Variants in ANKRD31 observed in about 807,000 individuals in gnomAD.
ANKRD31 encodes the protein ankyrin repeat domain-containing protein 31.
A neutral mutation model predicts 186.0 loss-of-function variants in ANKRD31; 147 were observed. That is an observed-to-expected ratio of 0.79 (90% CI 0.69 to 0.91). ANKRD31 has a LOEUF of 0.91. Ranked by LOEUF, ANKRD31 falls within the 40% of genes least tolerant of loss-of-function variation. The pLI is 0.00. For synonymous variants in ANKRD31, 673 were observed against 736.4 expected (o/e 0.91, Z 1.39); for missense variants, 1,986 against 2,148.8 (o/e 0.92, Z 1.50).
intron 24 of ANKRD31, among the ~76,000 whole-genome samples, chr5:75,082,202 T>C (rs888470751): frequency 6.6e-6 from 1 of 152,178 alleles, no homozygotes; most frequent in Non-Finnish European, 1.5e-5. Flanking sequence ...ATGGAGCCAG[T>C]TTTTATGACA....
chr5:75,210,760 T>A, intron 4 of ANKRD31, 68 bp downstream of exon 4: 1 of 1,087,550 alleles, frequency 9.2e-7, no homozygotes, highest in Non-Finnish European at 1.3e-6. Flanking sequence ...AAAATGAATA[T>A]TCATCTTAGA....
Position 75,188,504 on chromosome 5 carries a change from G to A in ANKRD31, c.1553C>T (p.Pro518Leu), listed in dbSNP as rs73763017. The A allele has an allele frequency of 2.1e-4, 327 of 1,535,134 alleles. 1 individual carries two copies. The African/African-American group carries it at 4.0e-3, about 19-fold the overall frequency. Residue 518 changes from proline (P) to leucine (L), a missense_variant, in exon 10 of 26, where the codon CCA becomes CTA. Coordinates refer to ENST00000506364, the MANE Select transcript of ANKRD31 (RefSeq NM_001372053.1). ...TAATCCTAACTTACCAGCATAACTT[G>A]GCTGATTAACATTTCCACCTTTTTT... The part of the protein sequence containing the change: ...CIKKGGNVNQ[P>L]SYAGWTALHE...
At chr5:75,137,640 T>G (rs892997059) in intron 17 of ANKRD31, among the ~76,000 whole-genome samples, 1 of 152,174 alleles carries the variant, frequency 6.6e-6, no homozygotes, top group Admixed American at 6.6e-5. Flanking sequence ...CTTGCATGTA[T>G]TTTGTGATGA....
At chr5:75,187,038 T>C (rs765797757) in intron 10 of ANKRD31, among the ~76,000 whole-genome samples, 11 of 150,214 alleles carry the variant, frequency 7.3e-5, no homozygotes, top group Admixed American at 5.3e-4. Context: ...TGTGTGTGTG[T>C]GTGTGTGTGT....
intron 10 of ANKRD31, among the ~76,000 whole-genome samples, chr5:75,177,068 G>A (rs576643202): frequency 1.7e-4 from 26 of 152,308 alleles, no homozygotes; most frequent in East Asian, 5.8e-4. Flanking sequence ...ACCACGGCAC[G>A]AGAACTACGT....
intron 22 of ANKRD31, among the ~76,000 whole-genome samples, chr5:75,096,194 T>C (rs748806314): frequency 3.9e-5 from 6 of 152,232 alleles, no homozygotes; most frequent in Non-Finnish European, 7.3e-5. Flanking sequence ...TTCTTGACTT[T>C]AATAATCGTC....
intron 22 of ANKRD31, among the ~76,000 whole-genome samples, chr5:75,101,876 C>T (rs1746918718): frequency 6.6e-6 from 1 of 152,166 alleles, no homozygotes; most frequent in Admixed American, 6.5e-5. Flanking sequence ...TTCGAACATC[C>T]TCCTTTAGCT....
intron 14 of ANKRD31, among the ~76,000 whole-genome samples, chr5:75,145,211 C>T (rs1290093544): frequency 2.6e-5 from 4 of 152,070 alleles, no homozygotes; most frequent in Non-Finnish European, 4.4e-5. Flanking sequence ...CCAGAAATAC[C>T]ATTTGACGCA....
At chr5:75,212,320 A>G (rs981084165) in intron 3 of ANKRD31, among the ~76,000 whole-genome samples, 1 of 152,100 alleles carries the variant, frequency 6.6e-6, no homozygotes, top group Non-Finnish European at 1.5e-5. Flanking sequence ...ACAGTGTTAA[A>G]TACTAAACTG....
In ANKRD31 at chr5:75,236,852, G is replaced by GC. The variant is rs1336526236; in HGVS notation, c.-167dup. On this transcript the variant is annotated 5_prime_UTR_variant, in exon 1 of 26. Transcript: ENST00000506364. ...AGGGCTGCTGAGGAGGACGCAGGCG[G>GC]CCGCGAGCGCGGCGGGGTAGCAGTC... The GC allele has an allele frequency of 3.6e-6, 2 of 549,618 alleles. No homozygotes were observed. Among genetic ancestry groups the GC allele is most frequent in the African/African-American group, 4.0e-5 (2 of 49,558 alleles). 34.0% of individuals were successfully genotyped at this position (549,618 alleles called of 1,614,324 possible). A position where few individuals can be genotyped will look rare whatever the true frequency, so the allele number is the denominator to read the frequency against.
intron 10 of ANKRD31, among the ~76,000 whole-genome samples, chr5:75,177,929 G>A (rs966355069): frequency 1.3e-4 from 19 of 151,984 alleles, no homozygotes; most frequent in East Asian, 1.9e-4. Context: ...ATTAAAAGGC[G>A]CAGACTGGCA....
At chr5:75,083,135 A>C (rs1484360362) in intron 24 of ANKRD31, among the ~76,000 whole-genome samples, 1 of 152,196 alleles carries the variant, frequency 6.6e-6, no homozygotes, top group African/African-American at 2.4e-5. Context: ...ATATACACCT[A>C]AACACAAATC....
chr5:75,195,062 C>A (rs76194559), intron 7 of ANKRD31, among the ~76,000 whole-genome samples: 2,366 of 152,212 alleles, frequency 0.016, 74 homozygotes, highest in African/African-American at 0.054. Context: ...ACAGAGCCTC[C>A]AGGCATAATA....
Position 75,208,890 on chromosome 5 carries a change from T to C in ANKRD31, c.326+1938A>G, listed in dbSNP as rs151307638. ...TAAACATCTGGACCTCACTGGGTTA[T>C]TGGGTAACCACACTCCTGTGATTTT... On this transcript the variant is annotated intron_variant, in intron 4 of 25. Coordinates refer to ENST00000506364, the MANE Select transcript of ANKRD31 (RefSeq NM_001372053.1). Among the ~76,000 whole-genome samples the C allele has an allele frequency of 4.6e-3, 706 of 152,362 alleles. 11 individuals carry two copies. Among genetic ancestry groups the C allele is most frequent in the African/African-American group, 0.016 (678 of 41,592 alleles).
Position 75,144,140 on chromosome 5 carries a change from A to G in ANKRD31, c.3456T>C (p.Asp1152=). The change falls in exon 15 of 26, where the codon GAT becomes GAC. Residue 1152 remains aspartate, a synonymous_variant. Transcript: ENST00000506364. Reference sequence around the variant, plus strand: ...CCTCACAATTTCTTATAGTTATTTCATCTCCACTGATGTTATTAGTTAATT... The same window carrying G: ...CCTCACAATTTCTTATAGTTATTTCGTCTCCACTGATGTTATTAGTTAATT... ...DEELTNNISG[D]EITIRNCEEI... 2.5e-6 allele frequency: 1 copy of G among 397,322 alleles called. No individual in the cohort carries two copies. The highest frequency in any genetic ancestry group is 4.4e-6 in the Non-Finnish European group (1 of 225,228). The allele number at this position is 397,322 out of a possible 1,614,324, so 24.6% of individuals were successfully genotyped here.
At chr5:75,234,486 C>G (rs919424293) in intron 1 of ANKRD31, among the ~76,000 whole-genome samples, 1 of 152,248 alleles carries the variant, frequency 6.6e-6, no homozygotes, top group African/African-American at 2.4e-5. Context: ...TATGACTGCA[C>G]TATTGCATTC....
intron 5 of ANKRD31, among the ~76,000 whole-genome samples, chr5:75,201,574 T>C (rs1755824260): frequency 6.6e-6 from 1 of 152,192 alleles, no homozygotes; most frequent in Non-Finnish European, 1.5e-5. Context: ...AAACAACTCT[T>C]ATAGACATTT....
Position 75,195,877 on chromosome 5 carries a change from GTCAC to G in ANKRD31, c.767_770del (p.Ser256ThrfsTer10). On this transcript the variant is annotated frameshift_variant, in exon 7 of 26. Coordinates refer to ENST00000506364, the MANE Select transcript of ANKRD31 (RefSeq NM_001372053.1). LOFTEE classifies it high-confidence loss of function. ...AAGGTATTGATATGGAACTAAGAGA[GTCAC>G]TCAATGGGTTCATCAATTCTTTACG... 6.6e-7 allele frequency: 1 copy of G among 1,506,562 alleles called. No individual in the cohort carries two copies. Among genetic ancestry groups the G allele is most frequent in the East Asian group, 2.5e-5 (1 of 40,178 alleles). The allele number at this position is 1,506,562 out of a possible 1,614,324, so 93.3% of individuals were successfully genotyped here. A position where few individuals can be genotyped will look rare whatever the true frequency, so the allele number is the denominator to read the frequency against.
intron 3 of ANKRD31, among the ~76,000 whole-genome samples, chr5:75,220,576 A>T (rs1356948654): frequency 6.6e-6 from 1 of 151,988 alleles, no homozygotes; most frequent in Non-Finnish European, 1.5e-5. Context: ...TGGGAGGCAG[A>T]CACTACAGTG....
Sources: gnomAD v4.1 joint callset for allele counts (sites outside exome capture counted in the v4.1 genomes callset) on GRCh38, gnomAD v4.1.1 for gene constraint, MANE v1.5 for transcripts, NCBI Gene and HGNC (gene_info 2026-07-23, HGNC 2026-07-21) for gene names.